Variants in CAPN1 observed in about 807,000 individuals in gnomAD.
CAPN1 encodes calpain 1.
CAPN1 carries 77 observed loss-of-function variants against 105.2 expected under a neutral mutation model. The ratio of observed to expected loss-of-function variants is 0.73; its 90% confidence interval spans 0.61 to 0.88. The LOEUF is 0.88. Ranked by LOEUF, CAPN1 falls within the 40% of genes least tolerant of loss-of-function variation. The pLI, the probability that CAPN1 is intolerant of heterozygous loss-of-function variation, is 0.00. For missense variants in CAPN1, 833 were observed against 976.6 expected (o/e 0.85, Z 1.96); for synonymous variants, 355 against 388.8 (o/e 0.91, Z 1.02).
chr11:65,203,968 G>A (rs957659565), intron 10 of CAPN1, among the ~76,000 whole-genome samples: 1 of 152,008 alleles, frequency 6.6e-6, no homozygotes, highest in African/African-American at 2.4e-5. Context: ...GTTCTATCCC[G>A]CACTGGGTTG....
At chr11:65,201,381 C>T (rs934098577) in intron 10 of CAPN1, among the ~76,000 whole-genome samples, 1 of 152,184 alleles carries the variant, frequency 6.6e-6, no homozygotes, top group African/African-American at 2.4e-5. Flanking sequence ...AGCCACTGTG[C>T]CTGGTGCAGG....
At chr11:65,198,949 C>G (rs1948829953) in intron 10 of CAPN1, among the ~76,000 whole-genome samples, 1 of 152,236 alleles carries the variant, frequency 6.6e-6, no homozygotes, top group Non-Finnish European at 1.5e-5. Context: ...ATTCTTCTTC[C>G]TCAGCCTCCC....
At chr11:65,206,718 T>A (rs1948966409) in intron 13 of CAPN1, 44 bp downstream of exon 13, 1 of 1,610,362 alleles carries the variant, frequency 6.2e-7, no homozygotes, top group Non-Finnish European at 8.5e-7. Flanking sequence ...TCTCCCAGCC[T>A]CCCCTCTCAG....
rs1176365274 is a variant in CAPN1 at position 65,188,934 on chromosome 11, G to A, written c.1165+188G>A. On this transcript the variant is annotated intron_variant, in intron 10 of 21. Coordinates refer to ENST00000279247, the MANE Select transcript of CAPN1 (RefSeq NM_005186.4). The surrounding 1 kb of genome is among the most constrained non-coding windows in gnomAD (Gnocchi z 5.5). ...GGCATGCTTGACTCACCGTCTTGGG[G>A]CCTGAGCCCAGGGTGCTCATGAGGG... Among the ~76,000 whole-genome samples, 1 of 152,198 alleles carries A rather than the reference G, an allele frequency of 6.6e-6. No individual in the cohort carries two copies. Among genetic ancestry groups the A allele is most frequent in the Non-Finnish European group, 1.5e-5 (1 of 68,028 alleles).
Position 65,208,169 on chromosome 11 carries a change from C to T in CAPN1, c.1672-36C>T, listed in dbSNP as rs188484671. On this transcript the variant is annotated intron_variant, in intron 15 of 21. Coordinates refer to ENST00000279247, the MANE Select transcript of CAPN1 (RefSeq NM_005186.4). This position sits in a 1 kb window ranked among gnomAD's most constrained non-coding sequence, Gnocchi z 4.1. ...GGAGGGGCCTGTGAGGGGCAGCCCT[C>T]TCCTGGGGCAGGTGCCACCTCCTCT... 166 of 1,591,414 alleles carry T rather than the reference C, an allele frequency of 1.0e-4. 1 individual carries two copies. In the African/African-American group the frequency reaches 2.0e-3, roughly 19 times the overall value.
chr11:65,194,747 T>C (rs1948767944), intron 10 of CAPN1, among the ~76,000 whole-genome samples: 1 of 152,202 alleles, frequency 6.6e-6, no homozygotes, highest in Non-Finnish European at 1.5e-5. Context: ...GATATGGATA[T>C]ACCACATTTT....
At chr11:65,205,579 C>T (rs759027240) in intron 11 of CAPN1, 131 bp from the exon 12 acceptor site, 1 of 873,582 alleles carries the variant, frequency 1.1e-6, no homozygotes, top group Admixed American at 1.9e-5. Context: ...ATCTGGGTCC[C>T]CAGGGCCCTG....
chr11:65,210,689 G>A lies in CAPN1; in HGVS notation c.2060-125G>A. 1 of 822,446 alleles carries A rather than the reference G, an allele frequency of 1.2e-6. No homozygotes were observed. Among genetic ancestry groups the A allele is most frequent in the Non-Finnish European group, 2.1e-6 (1 of 471,020 alleles). The allele number at this position is 822,446 out of a possible 1,614,324, so 50.9% of individuals were successfully genotyped here. A position where few individuals can be genotyped will look rare whatever the true frequency, so the allele number is the denominator to read the frequency against. On this transcript the variant is annotated intron_variant, in intron 20 of 21. Transcript: ENST00000279247. This position sits in a 1 kb window ranked among gnomAD's most constrained non-coding sequence, Gnocchi z 4.3. ...AAGGGGTGAAGCTTCCCAGCTTCAA[G>A]GGGTGTCAGCTTGCGGTACTGTGGG...
intron 4 of CAPN1, among the ~76,000 whole-genome samples, chr11:65,184,095 C>T (rs1389461099): frequency 1.3e-5 from 2 of 152,174 alleles, no homozygotes; most frequent in African/African-American, 4.8e-5. Flanking sequence ...TTTCAAGTCA[C>T]ACCAATCAAT....
At chr11:65,187,696 G>A in intron 7 of CAPN1, 3 of 453,582 alleles carry the variant, frequency 6.6e-6, no homozygotes, top group Admixed American at 3.4e-5. Flanking sequence ...AGACCAGCCT[G>A]GCCAACATGG....
At chr11:65,193,073 C>A (rs1200764173) in intron 10 of CAPN1, among the ~76,000 whole-genome samples, 4 of 150,718 alleles carry the variant, frequency 2.7e-5, no homozygotes, top group African/African-American at 9.8e-5. Context: ...CTCTGCCTCC[C>A]GGGTTCACGC....
chr11:65,196,122 T>TG lies in CAPN1; in HGVS notation c.1165+7377dup, dbSNP rs1179678591. Among the ~76,000 whole-genome samples, 21 of 152,212 alleles carry TG rather than the reference T, an allele frequency of 1.4e-4. No individual in the cohort carries two copies. In the East Asian group the frequency reaches 4.0e-3, roughly 29 times the overall value. On this transcript the variant is annotated intron_variant, in intron 10 of 21. Coordinates refer to ENST00000279247, the MANE Select transcript of CAPN1 (RefSeq NM_005186.4). ...AATTTGAGTCCTCTGTCTTTTCTCC[T>TG]GTTTAGGCCAGGTAAAGAATTGTCA... is the stretch of plus-strand genomic sequence containing the variant.
intron 10 of CAPN1, among the ~76,000 whole-genome samples, chr11:65,201,848 G>A (rs189958618): frequency 1.5e-4 from 20 of 132,480 alleles, no homozygotes; most frequent in Non-Finnish European, 2.5e-4. Flanking sequence ...TTTGAGACAC[G>A]GTCTTGGTCT....
In CAPN1 at chr11:65,188,154, C is replaced by A; in HGVS notation, c.929+114C>A. 1 of 781,290 alleles carries A rather than the reference C, an allele frequency of 1.3e-6. No individual in the cohort carries two copies. Among genetic ancestry groups the A allele is most frequent in the Non-Finnish European group, 2.1e-6 (1 of 486,124 alleles). The allele number at this position is 781,290 out of a possible 1,614,324, so 48.4% of individuals were successfully genotyped here. ...GGACTCAGGATTGAGCAGAGGGGCC[C>A]ATCTTCGCGCGACTGGGTCTGGGGG... On this transcript the variant is annotated intron_variant, in intron 8 of 21. Transcript: ENST00000279247. This position sits in a 1 kb window ranked among gnomAD's most constrained non-coding sequence, Gnocchi z 5.5.
chr11:65,184,857 G>C (rs1365876962), intron 4 of CAPN1, among the ~76,000 whole-genome samples: 1 of 152,152 alleles, frequency 6.6e-6, no homozygotes, highest in East Asian at 1.9e-4. Context: ...CTGTGCTCTT[G>C]TTTAAGTCTT....
intron 10 of CAPN1, among the ~76,000 whole-genome samples, chr11:65,202,251 G>A (rs796636893): frequency 1.3e-4 from 20 of 152,166 alleles, no homozygotes; most frequent in African/African-American, 3.6e-4. Context: ...TGGGGTTCAG[G>A]GGTCTACAGA....
In CAPN1 at chr11:65,195,954, G is replaced by A. The variant is rs149461901; in HGVS notation, c.1165+7208G>A. On this transcript the variant is annotated intron_variant, in intron 10 of 21. Transcript: ENST00000279247. ...TTCTATTTTTCCTAGGTCAGTTTTG[G>A]TGCTTTGTTTCTTTCTAGGAATTTG... is the stretch of plus-strand genomic sequence containing the variant. Among the ~76,000 whole-genome samples the A allele has an allele frequency of 2.5e-3, 374 of 152,012 alleles. 3 individuals carry two copies. Among genetic ancestry groups the A allele is most frequent in the African/African-American group, 8.4e-3 (348 of 41,502 alleles).
At chr11:65,183,658 T>C in intron 4 of CAPN1, 66 bp downstream of exon 4, 1 of 1,097,810 alleles carries the variant, frequency 9.1e-7, no homozygotes, top group Middle Eastern at 2.0e-4. Context: ...TGACCCACAA[T>C]ACCTGCAGTT....
chr11:65,190,724 GT>G (rs1355574999), intron 10 of CAPN1, among the ~76,000 whole-genome samples: 2 of 55,032 alleles, frequency 3.6e-5, no homozygotes, highest in Admixed American at 1.5e-4. Flanking sequence ...TTTTGTTTTT[GT>G]TTTTTGAGAC....
Sources: gnomAD v4.1 joint callset for allele counts (sites outside exome capture counted in the v4.1 genomes callset) on GRCh38, gnomAD v4.1.1 for gene constraint, Gnocchi (gnomAD v3.1) non-coding constraint, MANE v1.5 for transcripts, NCBI Gene and HGNC (gene_info 2026-07-23, HGNC 2026-07-21) for gene names.